ARB2A: variants seen among roughly 807,000 people sequenced by gnomAD.
ARB2A encodes the protein ARB2 cotranscriptional regulator A.
the ARB2A span, among the ~76,000 whole-genome samples, chr5:93,693,572 A>G: frequency 6.7e-5 from 3 of 44,620 alleles, no homozygotes; most frequent in Non-Finnish European, 1.3e-4. Context: ...ATAGCCTACC[A>G]ACCAAAAAAA....
chr5:93,970,614 A>G, the ARB2A span, among the ~76,000 whole-genome samples: 1 of 152,216 alleles, frequency 6.6e-6, no homozygotes, highest in East Asian at 1.9e-4. Context: ...AAAAAAGAAA[A>G]GAAACAATTT....
At chr5:94,024,996 G>C in the ARB2A span, among the ~76,000 whole-genome samples, 1 of 152,232 alleles carries the variant, frequency 6.6e-6, no homozygotes, top group African/African-American at 2.4e-5. Context: ...GACAAGGCAG[G>C]AGTTTGAATT....
At chr5:94,080,100 A>G in the ARB2A span, among the ~76,000 whole-genome samples, 2 of 152,162 alleles carry the variant, frequency 1.3e-5, no homozygotes, top group Admixed American at 1.3e-4. Context: ...TTTTCATAAT[A>G]TGTAGCAGAT....
the ARB2A span, among the ~76,000 whole-genome samples, chr5:94,064,547 T>G: frequency 6.6e-6 from 1 of 152,258 alleles, no homozygotes; most frequent in East Asian, 1.9e-4. Flanking sequence ...CATATTATAG[T>G]CAAACTGTCA....
chr5:93,855,822 C>T, the ARB2A span, among the ~76,000 whole-genome samples: 6 of 151,866 alleles, frequency 4.0e-5, no homozygotes, highest in African/African-American at 1.5e-4. Flanking sequence ...TGTACATCAC[C>T]ATCATCAAAG....
the ARB2A span, among the ~76,000 whole-genome samples, chr5:94,071,508 G>A: frequency 3.3e-5 from 5 of 152,104 alleles, no homozygotes; most frequent in Middle Eastern, 3.4e-3. Flanking sequence ...ATAGAGACTT[G>A]TATCTAGAAG....
At chr5:93,817,964 C>T in the ARB2A span, among the ~76,000 whole-genome samples, 177 of 151,664 alleles carry the variant, frequency 1.2e-3, no homozygotes, top group African/African-American at 4.1e-3. Context: ...AGATTTGTAC[C>T]AATATATAAA....
At chr5:94,026,835 G>A in the ARB2A span, among the ~76,000 whole-genome samples, 2 of 152,166 alleles carry the variant, frequency 1.3e-5, no homozygotes, top group Non-Finnish European at 2.9e-5. Flanking sequence ...GCCACATGTT[G>A]TTATCAATAG....
the ARB2A span, among the ~76,000 whole-genome samples, chr5:93,926,921 T>C: frequency 1.3e-5 from 2 of 151,216 alleles, no homozygotes; most frequent in Non-Finnish European, 2.9e-5. Context: ...GAGAACTGAA[T>C]AGGATGTAAG....
chr5:93,646,589 C>T, the ARB2A span, among the ~76,000 whole-genome samples: 2 of 151,338 alleles, frequency 1.3e-5, no homozygotes, highest in African/African-American at 4.8e-5. Flanking sequence ...TTCTCCTTAC[C>T]TAGGTTTAGC....
At chr5:94,100,832 C>T in the ARB2A span, among the ~76,000 whole-genome samples, 1 of 151,986 alleles carries the variant, frequency 6.6e-6, no homozygotes, top group Non-Finnish European at 1.5e-5. Context: ...ACTATAAAAC[C>T]CCTGGAAAAC....
the ARB2A span, among the ~76,000 whole-genome samples, chr5:93,803,155 A>G: frequency 2.6e-4 from 39 of 152,192 alleles, no homozygotes; most frequent in Non-Finnish European, 7.4e-5. Flanking sequence ...TCCACGAGGA[A>G]TGAGGACTTG....
the ARB2A span, among the ~76,000 whole-genome samples, chr5:93,706,758 C>G: frequency 1.6e-4 from 24 of 151,312 alleles, no homozygotes; most frequent in African/African-American, 5.1e-4. Context: ...CCCAGCTACT[C>G]GGGAGGCTGA....
At chr5:94,088,657 G>A in the ARB2A span, among the ~76,000 whole-genome samples, 1 of 152,146 alleles carries the variant, frequency 6.6e-6, no homozygotes, top group African/African-American at 2.4e-5. Flanking sequence ...GGGCAACAGA[G>A]CAAGACCCTG....
the ARB2A span, among the ~76,000 whole-genome samples, chr5:93,916,099 A>G: frequency 3.3e-5 from 5 of 152,232 alleles, no homozygotes; most frequent in African/African-American, 1.2e-4. Flanking sequence ...AGTCTTCACT[A>G]TAGGTAATGA....
the ARB2A span, among the ~76,000 whole-genome samples, chr5:93,766,006 T>A: frequency 6.6e-6 from 1 of 152,154 alleles, no homozygotes; most frequent in African/African-American, 2.4e-5. Context: ...TGAAATTGGA[T>A]CCATTCCTTA....
the ARB2A span, among the ~76,000 whole-genome samples, chr5:93,721,888 T>G: frequency 2.6e-5 from 4 of 152,116 alleles, no homozygotes; most frequent in Non-Finnish European, 5.9e-5. Flanking sequence ...TTATAGGAAT[T>G]TCATGTTTCA....
the ARB2A span, among the ~76,000 whole-genome samples, chr5:94,035,443 A>G: frequency 1.3e-5 from 2 of 152,148 alleles, no homozygotes; most frequent in Non-Finnish European, 2.9e-5. Context: ...TTACATTTAT[A>G]TATTTATTTG....
the ARB2A span, among the ~76,000 whole-genome samples, chr5:93,832,543 T>G: frequency 6.6e-6 from 1 of 152,206 alleles, no homozygotes; most frequent in Non-Finnish European, 1.5e-5. Flanking sequence ...AAGTCATTCA[T>G]TTCCTTAGCT....
Sources: gnomAD v4.1 joint callset for allele counts (sites outside exome capture counted in the v4.1 genomes callset) on GRCh38, gnomAD v4.1.1 for gene constraint, MANE v1.5 for transcripts, NCBI Gene and HGNC (gene_info 2026-07-23, HGNC 2026-07-21) for gene names.